Variants in ATP13A3 observed in about 807,000 individuals in gnomAD.
ATP13A3 encodes ATPase 13A3.
In ATP13A3, 59 loss-of-function variants were observed where a neutral mutation model predicts 158.1. The ratio of observed to expected loss-of-function variants is 0.37; its 90% CI spans 0.30 to 0.46. ATP13A3 has a LOEUF of 0.46. ATP13A3 is among the 20% of genes least tolerant of loss of function. ATP13A3 has a pLI of 1.00. For synonymous variants in ATP13A3, 491 were observed against 504.3 expected, an observed-to-expected ratio of 0.97 and a Z score of 0.35; for missense variants, 1,166 against 1,525.2, an observed-to-expected ratio of 0.76 and a Z score of 3.92.
rs758414215 is a variant in ATP13A3, at chr3:194,413,812, C to G, written c.3430G>C (p.Val1144Leu). Residue 1144 changes from valine to leucine, a missense_variant, in exon 32 of 34, where the codon GTA becomes CTA. Physicochemically the swap from Val to Leu is conservative, Grantham distance 32. Around this residue, in one of 3 missense-constraint regions of ATP13A3, gnomAD observed 997 missense variants for 1,341.2 expected, o/e 0.74. Transcript: ENST00000645319. The part of the protein sequence containing the change: ...QIVCVPYQWR[V>L]TMLIIVLVNA... ...ACAAGAACAATGATGAGCATAGTTACACGCCACTGATATGGTACACACACT... is the reference window on the plus strand; with the variant it reads ...ACAAGAACAATGATGAGCATAGTTAGACGCCACTGATATGGTACACACACT... The G allele has an allele frequency of 6.2e-7, 1 of 1,613,886 alleles. No homozygotes were observed. The highest frequency in any genetic ancestry group is 1.3e-5 in the African/African-American group (1 of 74,922).
In ATP13A3 at chr3:194,454,287, T is replaced by C. The variant is rs141547704; in HGVS notation, c.736A>G (p.Ile246Val). Residue 246 changes from isoleucine to valine, a missense_variant, in exon 9 of 34, where the codon ATC (isoleucine) becomes GTC (valine). Transcript: ENST00000645319. ...LAIVVMSIVSIVSSLYSIRKQ... is the reference protein window; with the variant it reads ...LAIVVMSIVSVVSSLYSIRKQ... ...CTAATGGAATATAGTGAGCTTACGA[T>C]TGATACTATGGACATAACCACAATA... 65 of 1,608,122 alleles carry C rather than the reference T, an allele frequency of 4.0e-5. No homozygotes were observed. In the East Asian group the frequency reaches 4.7e-4, roughly 12 times the overall value.
intron 30 of ATP13A3, chr3:194,420,203 G>A (rs771972221): frequency 2.7e-4 from 62 of 232,386 alleles, no homozygotes; most frequent in Non-Finnish European, 3.9e-4. Context: ...AACTTTAACC[G>A]TGAAAGTCCT....
Position 194,431,190 on chromosome 3 carries a change from C to A in ATP13A3, c.2458G>T (p.Asp820Tyr), listed in dbSNP as rs1372420689. 1 of 1,613,538 alleles carries A rather than the reference C, an allele frequency of 6.2e-7. No homozygotes were observed. The highest frequency in any genetic ancestry group is 1.1e-5 in the South Asian group (1 of 91,072). Residue 820 changes from aspartate to tyrosine, a missense_variant, in exon 23 of 34, where the codon GAT (aspartate) becomes TAT (tyrosine). Asp to Tyr is a radical substitution (Grantham distance 160, BLOSUM62 -3). Around this residue, in one of 3 missense-constraint regions of ATP13A3, gnomAD observed 997 missense variants for 1,341.2 expected, o/e 0.74. Transcript: ENST00000645319. ...AAATGATAACGAGTCATTTGAAGAT[C>A]CTCTAAGCTATCATGGACCAATTTA... is the stretch of plus-strand genomic sequence containing the variant. The part of the protein sequence containing the change: ...PVKLVHDSLE[D>Y]LQMTRYHFAM...
rs143475527 is a variant in ATP13A3 at position 194,440,592 on chromosome 3, C to G, written c.1710+719G>C. The stretch of plus-strand genomic sequence containing the variant: ...TAAAATTTGAAGTAGCTCACTGCAG[C>G]TATGCAGAATTACCAAATCAGATCT... On this transcript the variant is annotated intron_variant, in intron 16 of 33. Transcript: ENST00000645319. Among the ~76,000 whole-genome samples, 490 of 152,270 alleles carry G rather than the reference C, an allele frequency of 3.2e-3. 2 individuals carry two copies. Among genetic ancestry groups the G allele is most frequent in the African/African-American group, 0.011 (444 of 41,542 alleles).
intron 33 of ATP13A3, among the ~76,000 whole-genome samples, chr3:194,411,037 AG>A (rs1715386907): frequency 6.8e-6 from 1 of 147,404 alleles, no homozygotes; most frequent in Non-Finnish European, 1.5e-5. Context: ...ACGCACTACT[AG>A]GGACAACTGG....
chr3:194,425,249 G>A, intron 30 of ATP13A3, 93 bp downstream of exon 30: 1 of 1,190,196 alleles, frequency 8.4e-7, no homozygotes, highest in Admixed American at 2.4e-5. Context: ...TGAAGATCTG[G>A]TTTACTGTGG....
Position 194,453,792 on chromosome 3 carries a change from A to G in ATP13A3, c.766-14T>C. ...CATAACATATTGCTGAAAGAGGAAA[A>G]AGAAGTTAGAAACTAGCCAATATGA... is the stretch of plus-strand genomic sequence containing the variant. On this transcript the variant is annotated splice_polypyrimidine_tract_variant and intron_variant, in intron 9 of 33. Coordinates refer to ENST00000645319, the MANE Select transcript of ATP13A3 (RefSeq NM_001367549.1). 6.2e-7 allele frequency: 1 copy of G among 1,609,484 alleles called. No individual in the cohort carries two copies. Among genetic ancestry groups the G allele is most frequent in the Non-Finnish European group, 8.5e-7 (1 of 1,176,588 alleles).
intron 2 of ATP13A3, among the ~76,000 whole-genome samples, chr3:194,474,926 C>T (rs1720460648): frequency 6.6e-6 from 1 of 152,126 alleles, no homozygotes; most frequent in Admixed American, 6.6e-5. Flanking sequence ...GTTGCTAAGA[C>T]TATGTTGAGT....
At chr3:194,416,436 C>T (rs1177064703) in intron 31 of ATP13A3, among the ~76,000 whole-genome samples, 13 of 151,448 alleles carry the variant, frequency 8.6e-5, no homozygotes, top group Admixed American at 2.6e-4. Flanking sequence ...CCAGCCTGGG[C>T]GACAGAGCGA....
chr3:194,452,722 C>T (rs1392041471), intron 10 of ATP13A3: 1 of 152,202 alleles, frequency 6.6e-6, no homozygotes, highest in African/African-American at 2.4e-5. Context: ...CCCTTATCAA[C>T]TTCTCACCTA....
intron 2 of ATP13A3, among the ~76,000 whole-genome samples, chr3:194,477,776 C>G (rs1720589520): frequency 6.6e-6 from 1 of 152,206 alleles, no homozygotes; most frequent in Non-Finnish European, 1.5e-5. Flanking sequence ...CTGGGCCCCC[C>G]AGAAGTGTTT....
chr3:194,463,336 T>C (rs1238931846), intron 2 of ATP13A3, among the ~76,000 whole-genome samples: 1 of 151,764 alleles, frequency 6.6e-6, no homozygotes, highest in Non-Finnish European at 1.5e-5. Context: ...CAGCTACACA[T>C]TAAAGAAATT....
chr3:194,465,829 A>C (rs2898612), intron 2 of ATP13A3, among the ~76,000 whole-genome samples: 3,073 of 139,888 alleles, frequency 0.022, 67 homozygotes, highest in African/African-American at 0.06. Context: ...CACACACACA[A>C]AAATTAGCCA....
At position 194,457,826 on chromosome 3, in the gene ATP13A3, G is replaced by A. The variant is rs61637440; in HGVS notation, c.480-652C>T. Among the ~76,000 whole-genome samples the A allele has an allele frequency of 2.3e-3, 311 of 136,682 alleles. 2 individuals are homozygous for A. The highest frequency in any genetic ancestry group is 8.3e-3 in the African/African-American group (295 of 35,550). 89.7% of individuals were successfully genotyped at this position (136,682 alleles called of 152,430 possible). On this transcript the variant is annotated intron_variant, in intron 6 of 33. Coordinates refer to ENST00000645319, the MANE Select transcript of ATP13A3 (RefSeq NM_001367549.1). The stretch of plus-strand genomic sequence containing the variant: ...TTTTGAGATGGAGTTTTGCTCTGTC[G>A]CCAGGCTGGAGTGCAGTGGCACAAT...
chr3:194,452,023 T>C (rs1289308014), intron 10 of ATP13A3: 1 of 152,286 alleles, frequency 6.6e-6, no homozygotes, highest in African/African-American at 2.4e-5. Context: ...ATGATTTTTT[T>C]CCAAAGGGCA....
chr3:194,461,836 A>G (rs1247795017), intron 3 of ATP13A3, among the ~76,000 whole-genome samples: 5 of 152,196 alleles, frequency 3.3e-5, no homozygotes, highest in African/African-American at 7.2e-5. Flanking sequence ...AGAAATCTTT[A>G]TTTGGGATTG....
intron 2 of ATP13A3, among the ~76,000 whole-genome samples, chr3:194,466,726 C>G (rs1050586287): frequency 2.6e-5 from 4 of 152,026 alleles, no homozygotes; most frequent in African/African-American, 9.7e-5. Flanking sequence ...TGGTGCATGC[C>G]TATAGTCTCA....
chr3:194,430,102 G>T lies in ATP13A3; in HGVS notation c.2747C>A (p.Pro916His). ...AAGGTTTGGCACACAGGAAATACTA[G>T]GAGTCTTAGAGGTAAAGGGAGATGC... ...SVASPFTSKT[P>H]SISCVPNLIR... The change falls in exon 26 of 34, where the codon CCT becomes CAT. Residue 916 changes from proline (P) to histidine (H), a missense_variant. Coordinates refer to ENST00000645319, the MANE Select transcript of ATP13A3 (RefSeq NM_001367549.1). 1 of 1,614,082 alleles carries T rather than the reference G, an allele frequency of 6.2e-7. No individual in the cohort carries two copies. The highest frequency in any genetic ancestry group is 1.6e-4 in the Middle Eastern group (1 of 6,062).
At chr3:194,417,939 T>TGACA (rs1334277388) in intron 31 of ATP13A3, among the ~76,000 whole-genome samples, 63 of 121,590 alleles carry the variant, frequency 5.2e-4, no homozygotes, top group Admixed American at 1.6e-3. Flanking sequence ...GCAGCGTGGG[T>TGACA]GACAGACAGA....
Sources: gnomAD v4.1 joint callset for allele counts (sites outside exome capture counted in the v4.1 genomes callset) on GRCh38, gnomAD v4.1.1 for gene constraint, gnomAD v4.1.1 regional missense constraint, MANE v1.5 for transcripts, NCBI Gene and HGNC (gene_info 2026-07-23, HGNC 2026-07-21) for gene names.